The following AGBL5 variants were observed in gnomAD, a reference collection of about 807,000 sequenced individuals.
AGBL5 encodes the protein AGBL carboxypeptidase 5.
Under a neutral mutation model 88.0 loss-of-function variants are expected in AGBL5, and 51 were observed. That is an observed-to-expected ratio of 0.58 (90% CI 0.46 to 0.73). The LOEUF (loss-of-function observed/expected upper bound fraction) is 0.73, where lower values mean the gene tolerates loss of function less well. Among genes scored for constraint, AGBL5 ranks in the 30% least tolerant of loss-of-function variants. AGBL5 has a pLI of 0.00. For missense variants in AGBL5, 1,031 were observed against 1,162.2 expected, an observed-to-expected ratio of 0.89 and a Z score of 1.64; for synonymous variants, 446 against 438.8, an observed-to-expected ratio of 1.02 and a Z score of -0.21.
At position 27,057,452 on chromosome 2, in the gene AGBL5, G is replaced by A. The variant is rs764380712; in HGVS notation, c.1671+14G>A. On this transcript the variant is annotated intron_variant, in intron 9 of 14. Transcript: ENST00000360131. ...CTATTTGAGCAGGTATGAATACATG[G>A]TGTAAGTGGGAAAAGGGAGAAACCT... The A allele has an allele frequency of 1.9e-5, 30 of 1,584,938 alleles. No homozygotes were observed. Among genetic ancestry groups the A allele is most frequent in the Non-Finnish European group, 2.5e-5 (29 of 1,161,762 alleles).
intron 8 of AGBL5, 70 bp downstream of exon 8, chr2:27,056,862 G>C: frequency 6.8e-7 from 1 of 1,467,236 alleles, no homozygotes; most frequent in Non-Finnish European, 9.2e-7. Flanking sequence ...TGGGTGTGGT[G>C]GTGCATGCTT....
intron 11 of AGBL5, among the ~76,000 whole-genome samples, chr2:27,060,202 T>C (rs1668645899): frequency 6.6e-6 from 1 of 152,132 alleles, no homozygotes; most frequent in Non-Finnish European, 1.5e-5. Flanking sequence ...CAAAGAAAAA[T>C]GGAACAACTG....
Position 27,070,478 on chromosome 2 carries a change from GACC to G in AGBL5, c.*218_*220del. 2 of 526,902 alleles carry G rather than the reference GACC, an allele frequency of 3.8e-6. No individual in the cohort carries two copies. The highest frequency in any genetic ancestry group is 6.7e-6 in the Non-Finnish European group (2 of 298,478). 32.6% of individuals were successfully genotyped at this position (526,902 alleles called of 1,614,324 possible). On this transcript the variant is annotated 3_prime_UTR_variant, in exon 15 of 15. Coordinates refer to ENST00000360131, the MANE Select transcript of AGBL5 (RefSeq NM_021831.6). ...CTCCCTCCGCAGCACAAGATTTTGG[GACC>G]ACAAAAAAAAGTCTATATTTTTATA...
In AGBL5 at chr2:27,054,796, G is replaced by A. The variant is rs201194808; in HGVS notation, c.718G>A (p.Ala240Thr). The change falls in exon 5 of 15, where the codon GCA becomes ACA. Residue 240 changes from alanine (A) to threonine (T), a missense_variant. Transcript: ENST00000360131. ...DTSTPRPFRF[A>T]GKRIFFLSSR... The stretch of plus-strand genomic sequence containing the variant: ...CAGCACCCCTCGACCATTCCGTTTC[G>A]CAGGCAAGAGGGTGAGTGGAAATAG... 57 of 1,612,292 alleles carry A rather than the reference G, an allele frequency of 3.5e-5. No homozygotes were observed. Among genetic ancestry groups the A allele is most frequent in the Admixed American group, 1.0e-4 (6 of 59,908 alleles).
chr2:27,053,366 C>G lies in AGBL5; in HGVS notation c.216-36C>G, dbSNP rs1318104750. 11 of 1,604,458 alleles carry G rather than the reference C, an allele frequency of 6.9e-6. No individual in the cohort carries two copies. Among genetic ancestry groups the G allele is most frequent in the Non-Finnish European group, 9.4e-6 (11 of 1,174,318 alleles). On this transcript the variant is annotated intron_variant, in intron 2 of 14. Transcript: ENST00000360131. This position sits in a 1 kb window ranked among gnomAD's most constrained non-coding sequence, Gnocchi z 4.9. Reference sequence around the variant, plus strand: ...CCACAGACCATATCTCCAACCCTTCCACACGTAATGACCTCTCTCTTACTC... The same window carrying G: ...CCACAGACCATATCTCCAACCCTTCGACACGTAATGACCTCTCTCTTACTC...
Position 27,053,586 on chromosome 2 carries a change from TGAG to T in AGBL5, c.387+19_387+21del. On this transcript the variant is annotated intron_variant, in intron 3 of 14. Transcript: ENST00000360131. The surrounding 1 kb of genome is among the most constrained non-coding windows in gnomAD (Gnocchi z 4.9). ...GCCCACCTTTGAGGTAAGTTCTCCA[TGAG>T]GAGGAAAGAAAGACTTGGGTGCTAA... 1 of 1,599,630 alleles carries T rather than the reference TGAG, an allele frequency of 6.3e-7. No individual in the cohort carries two copies. Among genetic ancestry groups the T allele is most frequent in the East Asian group, 2.2e-5 (1 of 44,700 alleles).
intron 11 of AGBL5, among the ~76,000 whole-genome samples, chr2:27,063,530 G>GGCC (rs1558422059): frequency 1.3e-5 from 2 of 151,060 alleles, no homozygotes; most frequent in Non-Finnish European, 2.9e-5. Context: ...AGGAGGCGGA[G>GGCC]CTGGCAGTGA....
At chr2:27,050,898 T>C (rs1011337847), upstream of AGBL5, 6 of 152,240 alleles carry the variant, frequency 3.9e-5, no homozygotes, top group African/African-American at 1.4e-4. Flanking sequence ...AACCTCAATT[T>C]AATTCAATTA....
Position 27,055,856 on chromosome 2 carries a change from T to A in AGBL5, c.1083T>A (p.Pro361=). The A allele has an allele frequency of 6.2e-7, 1 of 1,614,232 alleles. No individual in the cohort carries two copies. Residue 361 remains proline (P), a synonymous_variant, in exon 7 of 15, where the codon CCT becomes CCA. Coordinates refer to ENST00000360131, the MANE Select transcript of AGBL5 (RefSeq NM_021831.6). The part of the protein sequence containing the change: ...QPSSCLPPDA[P]VSDLEKANNL... ...GTTCCTGTCTCCCTCCTGATGCTCC[T>A]GTTTCTGACCTGGAGAAAGCCAACA...
chr2:27,069,822 T>C (rs951424646), intron 14 of AGBL5, 116 bp downstream of exon 14: 6 of 1,482,310 alleles, frequency 4.0e-6, no homozygotes, highest in East Asian at 4.8e-5. Context: ...AAAGACTAAA[T>C]GTACTTCCAT....
In AGBL5 at chr2:27,052,996, G is replaced by A; in HGVS notation, c.38G>A (p.Arg13His). Residue 13 changes from arginine (R) to histidine (H), a missense_variant, in exon 2 of 15, where the codon CGC becomes CAC. This residue lies in a region of AGBL5 where 540 missense variants were observed against 678.2 expected (regional missense o/e 0.80). Transcript: ENST00000360131. ...LRCGGLLFSS[R>H]FDSGNLAHVE... ...TGTGGGGGATTGCTGTTCAGTTCTCGCTTTGATTCAGGGAATCTAGCCCAC... is the reference window on the plus strand; with the variant it reads ...TGTGGGGGATTGCTGTTCAGTTCTCACTTTGATTCAGGGAATCTAGCCCAC... 1.2e-6 allele frequency: 2 copies of A among 1,613,050 alleles called. No individual in the cohort carries two copies. Among genetic ancestry groups the A allele is most frequent in the South Asian group, 1.1e-5 (1 of 90,850 alleles).
At chr2:27,052,365 C>T (rs560224858) in intron 1 of AGBL5, 2 of 152,450 alleles carry the variant, frequency 1.3e-5, no homozygotes, top group African/African-American at 4.8e-5. Flanking sequence ...GAAGAACCAG[C>T]CCTTCCAGGG....
intron 13 of AGBL5, 41 bp from the exon 14 acceptor site, chr2:27,069,532 T>C (rs1364210759): frequency 2.5e-6 from 4 of 1,595,050 alleles, no homozygotes; most frequent in South Asian, 2.2e-5. Context: ...AAAAAACTCA[T>C]GGAAGAATCC....
At chr2:27,051,871 C>T (rs1474254821) in intron 1 of AGBL5, 78 bp downstream of exon 1, 1 of 152,596 alleles carries the variant, frequency 6.6e-6, no homozygotes, top group African/African-American at 2.4e-5. Flanking sequence ...TCTCTCAGCC[C>T]CTTGAGCCCG....
intron 8 of AGBL5, among the ~76,000 whole-genome samples, 156 bp from the exon 9 acceptor site, chr2:27,057,147 C>T (rs1447966931): frequency 6.6e-6 from 1 of 151,880 alleles, no homozygotes; most frequent in Non-Finnish European, 1.5e-5. Context: ...TGGTACAGTA[C>T]CAAGGTCAGC....
chr2:27,055,811 T>C lies in AGBL5; in HGVS notation c.1038T>C (p.Ser346=). Residue 346 remains serine (S), a synonymous_variant, in exon 7 of 15, where the codon AGT becomes AGC. Coordinates refer to ENST00000360131, the MANE Select transcript of AGBL5 (RefSeq NM_021831.6). ...HHVHSRLNSQ[S]SSEHQPSSCL... ...TGCACTCTCGTCTGAACTCCCAGAGTTCCTCTGAGCACCAGCCCAGTTCCT... is the reference window on the plus strand; with the variant it reads ...TGCACTCTCGTCTGAACTCCCAGAGCTCCTCTGAGCACCAGCCCAGTTCCT... 1.9e-6 allele frequency: 3 copies of C among 1,613,994 alleles called. No individual in the cohort carries two copies. The highest frequency in any genetic ancestry group is 1.7e-6 in the Non-Finnish European group (2 of 1,179,994).
At position 27,058,564 on chromosome 2, in the gene AGBL5, C is replaced by G; in HGVS notation, c.1836C>G (p.Asn612Lys). The part of the protein sequence containing the change: ...GLSSTLNVGV[N>K]KKRGLRTPPK... ...GCAGCACTCTGAATGTGGGTGTCAA[C>G]AAGAAGAGGGGCCTTCGAACTCCAC... is the stretch of plus-strand genomic sequence containing the variant. The change falls in exon 10 of 15, where the codon AAC becomes AAG. Residue 612 changes from asparagine to lysine, a missense_variant. Asn to Lys is a moderately conservative substitution (Grantham distance 94). Transcript: ENST00000360131. 1 of 1,614,108 alleles carries G rather than the reference C, an allele frequency of 6.2e-7. No individual in the cohort carries two copies. The highest frequency in any genetic ancestry group is 8.5e-7 in the Non-Finnish European group (1 of 1,180,032).
intron 8 of AGBL5, 63 bp downstream of exon 8, chr2:27,056,855 G>T (rs1272851382): frequency 2.0e-6 from 3 of 1,507,140 alleles, no homozygotes; most frequent in Non-Finnish European, 2.7e-6. Context: ...CCGTAGCTGG[G>T]TGTGGTGGTG....
intron 13 of AGBL5, 45 bp from the exon 14 acceptor site, chr2:27,069,528 C>A (rs1303291087): frequency 1.3e-6 from 2 of 1,594,100 alleles, no homozygotes; most frequent in Non-Finnish European, 1.7e-6. Flanking sequence ...AAGCAAAAAA[C>A]TCATGGAAGA....
Sources: allele counts gnomAD v4.1 joint callset (sites outside exome capture counted in the v4.1 genomes callset), GRCh38; gene constraint gnomAD v4.1.1; regional missense constraint gnomAD v4.1.1; non-coding constraint Gnocchi (gnomAD v3.1); transcripts MANE v1.5; gene names NCBI Gene and HGNC (gene_info 2026-07-23, HGNC 2026-07-21).